CSMD1: variants seen among roughly 807,000 people sequenced by gnomAD.
CSMD1 encodes CUB and Sushi multiple domains 1, also known as CUB and sushi domain-containing protein 1.
CSMD1 carries 213 observed loss-of-function variants against 417.5 expected under a neutral mutation model. The ratio of observed to expected loss-of-function variants is 0.51; its 90% CI spans 0.46 to 0.57. The LOEUF is 0.57. Among genes scored for constraint, CSMD1 ranks in the 20% least tolerant of loss-of-function variants. CSMD1 has a pLI of 0.00. For missense variants in CSMD1, 6,923 were observed against 4,529.7 expected, an observed-to-expected ratio of 1.53 and a Z score of -15.17; for synonymous variants, 2,862 against 1,736.8, an observed-to-expected ratio of 1.65 and a Z score of -16.11.
intron 5 of CSMD1, among the ~76,000 whole-genome samples, chr8:3,783,054 A>G (rs1009727131): frequency 6.6e-6 from 1 of 152,078 alleles, no homozygotes; most frequent in African/African-American, 2.4e-5. Flanking sequence ...GACACTTCCT[A>G]CTGTTGAAAG....
intron 1 of CSMD1, among the ~76,000 whole-genome samples, chr8:4,704,041 T>C (rs1807755932): frequency 6.6e-6 from 1 of 152,190 alleles, no homozygotes; most frequent in Non-Finnish European, 1.5e-5. Flanking sequence ...TCTCAGGCAG[T>C]AATGCTGGTT....
At chr8:3,307,996 G>T (rs1046313598) in intron 24 of CSMD1, among the ~76,000 whole-genome samples, 175 bp from the exon 25 acceptor site, 1 of 151,954 alleles carries the variant, frequency 6.6e-6, no homozygotes, top group Non-Finnish European at 1.5e-5. Flanking sequence ...TACCTCTGTG[G>T]AAAGTCTTTA....
chr8:4,150,201 C>A (rs975038254), intron 3 of CSMD1, among the ~76,000 whole-genome samples: 1 of 152,182 alleles, frequency 6.6e-6, no homozygotes, highest in African/African-American at 2.4e-5. Context: ...CTTGTAGTCA[C>A]AGGATCGGCC....
At chr8:4,655,151 T>C (rs986224304) in intron 1 of CSMD1, among the ~76,000 whole-genome samples, 4 of 152,142 alleles carry the variant, frequency 2.6e-5, no homozygotes, top group African/African-American at 9.7e-5. Context: ...TTTGATTCTT[T>C]TGACTTTACC....
intron 1 of CSMD1, among the ~76,000 whole-genome samples, chr8:4,954,286 A>T (rs957449142): frequency 6.6e-6 from 1 of 152,214 alleles, no homozygotes; most frequent in African/African-American, 2.4e-5. Context: ...GTGTTACAAC[A>T]GAGGTGCAAA....
At chr8:3,194,351 G>GA (rs1454797175) in intron 33 of CSMD1, among the ~76,000 whole-genome samples, 1 of 151,700 alleles carries the variant, frequency 6.6e-6, no homozygotes, top group African/African-American at 2.4e-5. Flanking sequence ...CCCAAACTGA[G>GA]AAAAAAATAT....
chr8:2,998,520 T>C (rs1340433583), intron 53 of CSMD1, among the ~76,000 whole-genome samples: 1 of 152,200 alleles, frequency 6.6e-6, no homozygotes, highest in Non-Finnish European at 1.5e-5. Context: ...TGCTAAAAAT[T>C]CTTGTATTAA....
At chr8:2,974,646 A>C in intron 55 of CSMD1, 22 bp from the exon 56 acceptor site, 1 of 1,538,820 alleles carries the variant, frequency 6.5e-7, no homozygotes, top group South Asian at 1.2e-5. Context: ...AGATAAAACA[A>C]TTGAGTACAT....
chr8:4,963,320 C>A (rs1321312546), intron 1 of CSMD1, among the ~76,000 whole-genome samples: 1 of 152,154 alleles, frequency 6.6e-6, no homozygotes, highest in Non-Finnish European at 1.5e-5. Flanking sequence ...GTGCCTCAGC[C>A]TTCTGAGTAG....
intron 2 of CSMD1, among the ~76,000 whole-genome samples, chr8:4,437,046 C>A (rs574097466): frequency 6.6e-6 from 1 of 152,096 alleles, no homozygotes; most frequent in Admixed American, 6.6e-5. Context: ...AGTGCTTTTT[C>A]CTCAAGGTAA....
chr8:4,016,395 A>G (rs1241091432), intron 4 of CSMD1, among the ~76,000 whole-genome samples: 1 of 152,132 alleles, frequency 6.6e-6, no homozygotes, highest in Non-Finnish European at 1.5e-5. Context: ...TGATCGAGCC[A>G]GTGGCAGAGA....
chr8:4,155,852 G>C (rs575580771), intron 3 of CSMD1, among the ~76,000 whole-genome samples: 3 of 152,220 alleles, frequency 2.0e-5, no homozygotes, highest in South Asian at 4.1e-4. Context: ...AAGGCAAAAT[G>C]AAACAACAAA....
intron 3 of CSMD1, among the ~76,000 whole-genome samples, chr8:4,225,169 T>C (rs540012381): frequency 1.3e-5 from 2 of 152,302 alleles, no homozygotes; most frequent in African/African-American, 4.8e-5. Context: ...AACTTCATTG[T>C]ACTATTTCAG....
intron 10 of CSMD1, among the ~76,000 whole-genome samples, chr8:3,517,939 C>A (rs1797349969): frequency 6.6e-6 from 1 of 152,118 alleles, no homozygotes; most frequent in South Asian, 2.1e-4. Context: ...ATAGCTTCAA[C>A]AAGTCAAATC....
At chr8:4,774,268 T>C (rs1796736864) in intron 1 of CSMD1, among the ~76,000 whole-genome samples, 1 of 152,214 alleles carries the variant, frequency 6.6e-6, no homozygotes, top group Non-Finnish European at 1.5e-5. Flanking sequence ...GGGGCAATGT[T>C]AAATTAACAG....
At chr8:4,968,076 A>G (rs1296261614) in intron 1 of CSMD1, among the ~76,000 whole-genome samples, 3 of 152,178 alleles carry the variant, frequency 2.0e-5, no homozygotes, top group Non-Finnish European at 4.4e-5. Context: ...TAGCTGAGAA[A>G]TATAATTTGT....
intron 5 of CSMD1, among the ~76,000 whole-genome samples, chr8:3,906,386 G>A (rs1808114821): frequency 6.6e-6 from 1 of 152,066 alleles, no homozygotes; most frequent in African/African-American, 2.4e-5. Context: ...GAAATATCCT[G>A]TGAAAAATGT....
chr8:4,501,322 T>G (rs1461411900), intron 2 of CSMD1, among the ~76,000 whole-genome samples: 1 of 152,186 alleles, frequency 6.6e-6, no homozygotes, highest in Non-Finnish European at 1.5e-5. Flanking sequence ...TGTCTTAATG[T>G]AAGATTAACG....
chr8:4,714,536 T>C (rs914155293), intron 1 of CSMD1, among the ~76,000 whole-genome samples: 1 of 152,138 alleles, frequency 6.6e-6, no homozygotes, highest in Non-Finnish European at 1.5e-5. Context: ...ACATAACAGA[T>C]AGAGAAGGCC....
Sources: allele counts gnomAD v4.1 joint callset (sites outside exome capture counted in the v4.1 genomes callset), GRCh38; gene constraint gnomAD v4.1.1; transcripts MANE v1.5; gene names NCBI Gene and HGNC (gene_info 2026-07-23, HGNC 2026-07-21).